CSMD1: variants seen among roughly 807,000 people sequenced by gnomAD.
The protein encoded by CSMD1 is CUB and sushi domain-containing protein 1.
A neutral mutation model predicts 417.5 loss-of-function variants in CSMD1; 213 were observed. That is an observed-to-expected ratio of 0.51 (90% CI 0.46 to 0.57). CSMD1 has a LOEUF of 0.57. Ranked by LOEUF, CSMD1 falls within the 20% of genes least tolerant of loss-of-function variation. CSMD1 has a pLI of 0.00. For missense variants in CSMD1, 6,923 were observed against 4,529.7 expected (o/e 1.53, Z -15.17); for synonymous variants, 2,862 against 1,736.8 (o/e 1.65, Z -16.11).
chr8:4,800,633 G>A (rs916838884), intron 1 of CSMD1, among the ~76,000 whole-genome samples: 3 of 152,192 alleles, frequency 2.0e-5, no homozygotes, highest in Non-Finnish European at 4.4e-5. Context: ...CCCATCTTTG[G>A]TGCAATCCCC....
intron 26 of CSMD1, among the ~76,000 whole-genome samples, chr8:3,265,164 A>C (rs1331065558): frequency 6.6e-6 from 1 of 152,152 alleles, no homozygotes. Flanking sequence ...AGGAATTTAC[A>C]CTCTCACTAG....
intron 2 of CSMD1, among the ~76,000 whole-genome samples, chr8:4,430,425 C>T (rs1178307754): frequency 6.6e-6 from 1 of 152,092 alleles, no homozygotes; most frequent in Non-Finnish European, 1.5e-5. Flanking sequence ...AGTCTACCTT[C>T]TCCCGGGACC....
chr8:4,085,780 T>C (rs748562674), intron 3 of CSMD1, among the ~76,000 whole-genome samples: 2 of 152,140 alleles, frequency 1.3e-5, no homozygotes, highest in Non-Finnish European at 2.9e-5. Flanking sequence ...TTAAAGGAAG[T>C]AAATATGTTT....
At chr8:3,536,168 C>A (rs771487988) in intron 10 of CSMD1, among the ~76,000 whole-genome samples, 8 of 152,168 alleles carry the variant, frequency 5.3e-5, no homozygotes, top group Admixed American at 6.5e-5. Flanking sequence ...TAGGAGAGCA[C>A]GGGGCTTTCA....
chr8:3,243,744 T>C (rs942377639), intron 26 of CSMD1, among the ~76,000 whole-genome samples: 2 of 150,990 alleles, frequency 1.3e-5, no homozygotes, highest in Admixed American at 1.3e-4. Flanking sequence ...ATTACAAATA[T>C]TATTTATGTA....
At chr8:4,578,497 G>C (rs1194004741) in intron 2 of CSMD1, among the ~76,000 whole-genome samples, 4 of 151,534 alleles carry the variant, frequency 2.6e-5, no homozygotes, top group Non-Finnish European at 4.4e-5. Context: ...CAAATATTCA[G>C]AGTATTAATT....
intron 5 of CSMD1, among the ~76,000 whole-genome samples, chr8:3,839,170 T>C (rs1585072367): frequency 1.6e-5 from 2 of 126,612 alleles, no homozygotes; most frequent in East Asian, 4.4e-4. Flanking sequence ...TCCCTCTCTC[T>C]ATATATTTAT....
rs1356393025 is a variant in CSMD1 at position 3,248,645 on chromosome 8, T to C, written c.4154-18414A>G. ...CCTGGGTTCACGCTCCCTCACTCTTTTTACTCATGTCAGCAATACTTGATT... is the reference window on the plus strand; with the variant it reads ...CCTGGGTTCACGCTCCCTCACTCTTCTTACTCATGTCAGCAATACTTGATT... On this transcript the variant is annotated intron_variant, in intron 26 of 69. Transcript: ENST00000635120. 2.7e-5 allele frequency among the ~76,000 whole-genome samples: 4 copies of C among 149,976 alleles called. 1 individual carries two copies. In the Admixed American group the frequency reaches 2.7e-4, roughly 10 times the overall value.
At chr8:3,691,754 C>T (rs1800255683) in intron 7 of CSMD1, among the ~76,000 whole-genome samples, 1 of 147,856 alleles carries the variant, frequency 6.8e-6, no homozygotes, top group African/African-American at 2.4e-5. Context: ...GAAAATGAGG[C>T]TCAATACCAT....
intron 3 of CSMD1, among the ~76,000 whole-genome samples, chr8:4,074,968 C>A (rs1055034851): frequency 1.3e-5 from 2 of 152,232 alleles, no homozygotes; most frequent in East Asian, 3.9e-4. Context: ...TTTGAGTCTG[C>A]CTTCCCTAAT....
At chr8:4,246,706 TTTTAA>T (rs1802734629) in intron 3 of CSMD1, among the ~76,000 whole-genome samples, 1 of 152,130 alleles carries the variant, frequency 6.6e-6, no homozygotes, top group Non-Finnish European at 1.5e-5. Context: ...TTTCATTGTT[TTTTAA>T]TTTATCATTG....
At chr8:4,750,255 C>A (rs542902369) in intron 1 of CSMD1, among the ~76,000 whole-genome samples, 13 of 152,268 alleles carry the variant, frequency 8.5e-5, no homozygotes, top group African/African-American at 3.1e-4. Context: ...GATCCGCCCG[C>A]CTCGGCCTCC....
intron 41 of CSMD1, among the ~76,000 whole-genome samples, chr8:3,133,443 G>A (rs1817902973): frequency 6.6e-6 from 1 of 152,170 alleles, no homozygotes; most frequent in Non-Finnish European, 1.5e-5. Flanking sequence ...TATAGCAGCT[G>A]GGGGTGCCTT....
At chr8:3,139,231 T>C (rs139902307) in intron 41 of CSMD1, among the ~76,000 whole-genome samples, 48 of 152,292 alleles carry the variant, frequency 3.2e-4, no homozygotes, top group African/African-American at 1.2e-3. Context: ...CAGCTGTGAA[T>C]GGCCATCATG....
chr8:4,592,192 G>C (rs1051365737), intron 2 of CSMD1, among the ~76,000 whole-genome samples: 1 of 151,096 alleles, frequency 6.6e-6, no homozygotes, highest in African/African-American at 2.4e-5. Flanking sequence ...TAGATTTCAT[G>C]CTCCCAACAA....
At chr8:3,267,594 A>G (rs559941610) in intron 26 of CSMD1, among the ~76,000 whole-genome samples, 64 of 152,318 alleles carry the variant, frequency 4.2e-4, no homozygotes, top group Admixed American at 2.1e-3. Flanking sequence ...AGAGACTTTG[A>G]GGATGGCATC....
intron 26 of CSMD1, among the ~76,000 whole-genome samples, chr8:3,256,456 AC>A (rs1184138831): frequency 6.6e-6 from 1 of 152,160 alleles, no homozygotes; most frequent in African/African-American, 2.4e-5. Context: ...CCTTCTCCTA[AC>A]TTTTTATTGA....
intron 5 of CSMD1, among the ~76,000 whole-genome samples, chr8:3,880,766 G>C (rs775548383): frequency 2.6e-5 from 4 of 152,076 alleles, no homozygotes; most frequent in Non-Finnish European, 5.9e-5. Flanking sequence ...TCCAAAATTT[G>C]TCTCACGAAA....
At chr8:4,710,387 A>G (rs1385536934) in intron 1 of CSMD1, among the ~76,000 whole-genome samples, 1 of 148,330 alleles carries the variant, frequency 6.7e-6, no homozygotes. Context: ...AGTAAATAAA[A>G]ATATATTATT....
Sources: gnomAD v4.1 joint callset for allele counts (sites outside exome capture counted in the v4.1 genomes callset) on GRCh38, gnomAD v4.1.1 for gene constraint, MANE v1.5 for transcripts, NCBI Gene and HGNC (gene_info 2026-07-23, HGNC 2026-07-21) for gene names.